The following LRMDA variants were observed in gnomAD, a reference collection of about 807,000 sequenced individuals.
LRMDA encodes the protein leucine rich melanocyte differentiation associated.
In LRMDA, 18 loss-of-function variants were observed where a neutral mutation model predicts 29.8. The observed-to-expected ratio is 0.60, with a 90% CI of 0.42 to 0.90. The LOEUF (loss-of-function observed/expected upper bound fraction) is 0.90. Among genes scored for constraint, LRMDA ranks in the 40% least tolerant of loss-of-function variants. The pLI is 0.00. For missense variants in LRMDA, 273 were observed against 273.9 expected (o/e 1.00, Z 0.02); for synonymous variants, 125 against 109.4 (o/e 1.14, Z -0.89).
At chr10:76,176,240 C>T (rs1178836171) in intron 5 of LRMDA, among the ~76,000 whole-genome samples, 1 of 152,166 alleles carries the variant, frequency 6.6e-6, no homozygotes, top group Non-Finnish European at 1.5e-5. Flanking sequence ...CCTGTACCAG[C>T]TTGGCATCCG....
At chr10:76,516,497 C>A (rs1030860781) in intron 6 of LRMDA, among the ~76,000 whole-genome samples, 1 of 151,788 alleles carries the variant, frequency 6.6e-6, no homozygotes, top group East Asian at 1.9e-4. Flanking sequence ...CTCCCCACTA[C>A]CCCCACCCCA....
intron 4 of LRMDA, among the ~76,000 whole-genome samples, chr10:76,057,034 C>A (rs1848627595): frequency 6.6e-6 from 1 of 152,170 alleles, no homozygotes; most frequent in African/African-American, 2.4e-5. Flanking sequence ...CCTTGGGAAC[C>A]CAAGGCTCCA....
chr10:75,695,652 C>T (rs1326955297), intron 2 of LRMDA, among the ~76,000 whole-genome samples: 1 of 152,174 alleles, frequency 6.6e-6, no homozygotes, highest in Non-Finnish European at 1.5e-5. Context: ...TGGTGTGTCT[C>T]TTCTTCACTT....
chr10:75,460,923 C>T (rs1182034480), intron 2 of LRMDA, among the ~76,000 whole-genome samples: 2 of 152,076 alleles, frequency 1.3e-5, no homozygotes, highest in Non-Finnish European at 2.9e-5. Context: ...ACTGTTTTCA[C>T]TGTTCTGTTT....
chr10:76,076,545 G>A (rs1298371933), intron 5 of LRMDA, among the ~76,000 whole-genome samples: 3 of 152,112 alleles, frequency 2.0e-5, no homozygotes, highest in Non-Finnish European at 4.4e-5. Flanking sequence ...TAAGACAGAT[G>A]AAGTGGAGCC....
chr10:75,764,881 A>T lies in LRMDA; in HGVS notation c.132-271127A>T, dbSNP rs573850477. ...CTTTTAGGAAACAATGGGATCCTTC[A>T]AGGGTCCGGCTGTGGAGTCAGCTCT... On this transcript the variant is annotated intron_variant, in intron 2 of 6. Coordinates refer to ENST00000611255, the MANE Select transcript of LRMDA (RefSeq NM_001305581.2). Among the ~76,000 whole-genome samples the T allele has an allele frequency of 3.3e-5, 5 of 151,314 alleles. No homozygotes were observed. In the South Asian group the frequency reaches 1.0e-3, roughly 32 times the overall value.
chr10:75,924,888 C>T (rs569061044), intron 2 of LRMDA, among the ~76,000 whole-genome samples: 11 of 152,244 alleles, frequency 7.2e-5, no homozygotes, highest in Admixed American at 6.5e-4. Context: ...ATTTGAGGGG[C>T]TGGGGTTTCT....
At chr10:76,089,001 T>C (rs1849186105) in intron 5 of LRMDA, among the ~76,000 whole-genome samples, 1 of 152,194 alleles carries the variant, frequency 6.6e-6, no homozygotes, top group African/African-American at 2.4e-5. Context: ...ATTTATTAAG[T>C]TCCTACTCTA....
At chr10:76,166,782 G>A (rs930822663) in intron 5 of LRMDA, among the ~76,000 whole-genome samples, 1 of 152,116 alleles carries the variant, frequency 6.6e-6, no homozygotes, top group South Asian at 2.1e-4. Flanking sequence ...GTGAACACAT[G>A]AATGTGTATG....
At chr10:76,094,402 A>G (rs1235798575) in intron 5 of LRMDA, among the ~76,000 whole-genome samples, 2 of 152,202 alleles carry the variant, frequency 1.3e-5, no homozygotes, top group Non-Finnish European at 2.9e-5. Flanking sequence ...TATGAAGTAT[A>G]AATAGGATTA....
At chr10:76,468,847 G>A (rs1842590003) in intron 6 of LRMDA, among the ~76,000 whole-genome samples, 1 of 152,076 alleles carries the variant, frequency 6.6e-6, no homozygotes, top group South Asian at 2.1e-4. Flanking sequence ...AAACCTCAAG[G>A]CACTAAAACA....
At chr10:75,867,572 G>A (rs1171440558) in intron 2 of LRMDA, among the ~76,000 whole-genome samples, 1 of 152,196 alleles carries the variant, frequency 6.6e-6, no homozygotes, top group African/African-American at 2.4e-5. Flanking sequence ...AAATTAAAGT[G>A]ACTGGAGGAA....
intron 2 of LRMDA, among the ~76,000 whole-genome samples, chr10:75,984,292 C>T (rs1258260463): frequency 6.6e-6 from 1 of 151,426 alleles, no homozygotes; most frequent in African/African-American, 2.5e-5. Context: ...GGAGGATATC[C>T]AAACCAGCAG....
chr10:76,118,219 A>G (rs1849700051), intron 5 of LRMDA, among the ~76,000 whole-genome samples: 1 of 152,188 alleles, frequency 6.6e-6, no homozygotes, highest in African/African-American at 2.4e-5. Flanking sequence ...TGTAAATTAG[A>G]CCAGATTCAC....
intron 6 of LRMDA, among the ~76,000 whole-genome samples, chr10:76,341,004 T>C (rs1349075292): frequency 6.6e-6 from 1 of 152,260 alleles, no homozygotes; most frequent in African/African-American, 2.4e-5. Context: ...TTAATTCATG[T>C]ATTTTAAAGA....
intron 2 of LRMDA, among the ~76,000 whole-genome samples, chr10:75,820,463 A>G (rs1178042669): frequency 1.3e-5 from 2 of 152,252 alleles, no homozygotes; most frequent in Non-Finnish European, 2.9e-5. Flanking sequence ...ACACATGAAA[A>G]TAGAGACATA....
At chr10:75,743,116 G>A (rs1438032699) in intron 2 of LRMDA, among the ~76,000 whole-genome samples, 2 of 152,238 alleles carry the variant, frequency 1.3e-5, no homozygotes, top group Middle Eastern at 3.4e-3. Flanking sequence ...ACAAGGGAGC[G>A]AGGGAGCTGG....
At chr10:76,192,005 G>C (rs568825477) in intron 5 of LRMDA, among the ~76,000 whole-genome samples, 5 of 152,256 alleles carry the variant, frequency 3.3e-5, no homozygotes, top group East Asian at 1.9e-4. Context: ...CCCAGGTCTC[G>C]CGTGCGGTAT....
intron 2 of LRMDA, among the ~76,000 whole-genome samples, chr10:75,723,384 T>G (rs1363907778): frequency 6.6e-6 from 1 of 152,212 alleles, no homozygotes; most frequent in East Asian, 1.9e-4. Context: ...GAGCAGAATG[T>G]GGGGTCTTTG....
Sources: gnomAD v4.1 joint callset for allele counts (sites outside exome capture counted in the v4.1 genomes callset) on GRCh38, gnomAD v4.1.1 for gene constraint, MANE v1.5 for transcripts, NCBI Gene and HGNC (gene_info 2026-07-23, HGNC 2026-07-21) for gene names.